The following PTPRD variants were observed in gnomAD, a reference collection of about 807,000 sequenced individuals.
The protein encoded by PTPRD is protein tyrosine phosphatase receptor type D, also known as receptor-type tyrosine-protein phosphatase delta.
In PTPRD, 34 loss-of-function variants were observed where a neutral mutation model predicts 214.5. The observed-to-expected ratio is 0.16, with a 90% CI of 0.12 to 0.21. PTPRD has a LOEUF of 0.21. Among genes scored for constraint, PTPRD ranks in the 10% least tolerant of loss-of-function variants. The pLI is 1.00. For missense variants in PTPRD, 2,545 were observed against 2,398.7 expected, an observed-to-expected ratio of 1.06 and a Z score of -1.27; for synonymous variants, 1,128 against 845.7, an observed-to-expected ratio of 1.33 and a Z score of -5.79.
At chr9:9,425,388 C>T (rs1022025845) in intron 8 of PTPRD, among the ~76,000 whole-genome samples, 7 of 51,602 alleles carry the variant, frequency 1.4e-4, no homozygotes, top group Non-Finnish European at 2.2e-4. Context: ...ATATCTTATA[C>T]ATTATATAAT....
chr9:10,127,344 G>T (rs998517033), intron 3 of PTPRD, among the ~76,000 whole-genome samples: 5 of 152,132 alleles, frequency 3.3e-5, no homozygotes, highest in African/African-American at 1.2e-4. Flanking sequence ...TGTGGCAAAA[G>T]AAAATAATGC....
Position 8,499,807 on chromosome 9 carries a change from T to A in PTPRD, c.2162A>T (p.Glu721Val), listed in dbSNP as rs201886779. ...PSGPPRKVEVEAVNSTSVKVS... is the reference protein window; with the variant it reads ...PSGPPRKVEVVAVNSTSVKVS... The stretch of plus-strand genomic sequence containing the variant: ...TTTAACAGATGTTGAGTTGACAGCC[T>A]CTACCTCGACTTTGCGAGGAGGACC... The change falls in exon 25 of 46, where the codon GAG becomes GTG. Residue 721 changes from glutamate to valine, a missense_variant. Transcript: ENST00000381196. 27 of 1,613,058 alleles carry A rather than the reference T, an allele frequency of 1.7e-5. No homozygotes were observed. The highest frequency in any genetic ancestry group is 1.5e-4 in the Admixed American group (9 of 59,744).
At chr9:9,006,635 G>C (rs1249674779) in intron 11 of PTPRD, among the ~76,000 whole-genome samples, 1 of 151,894 alleles carries the variant, frequency 6.6e-6, no homozygotes, top group African/African-American at 2.4e-5. Context: ...TATTACGTAA[G>C]CATCTGCCTG....
chr9:10,054,727 A>G (rs751940050), intron 3 of PTPRD, among the ~76,000 whole-genome samples: 1 of 152,070 alleles, frequency 6.6e-6, no homozygotes, highest in Non-Finnish European at 1.5e-5. Context: ...GGCTTTCACT[A>G]ATGTCAGCAA....
chr9:8,795,287 C>T (rs1017747304), intron 11 of PTPRD, among the ~76,000 whole-genome samples: 1 of 152,094 alleles, frequency 6.6e-6, no homozygotes, highest in African/African-American at 2.4e-5. Flanking sequence ...GCCTCAGCCT[C>T]CCAAGTAGCT....
At chr9:9,372,480 A>G (rs917302422) in intron 9 of PTPRD, among the ~76,000 whole-genome samples, 12 of 151,860 alleles carry the variant, frequency 7.9e-5, no homozygotes, top group African/African-American at 1.5e-4. Context: ...ATCTTCCTCC[A>G]TCCCTTTATT....
At chr9:9,771,235 T>C (rs981685681) in intron 5 of PTPRD, among the ~76,000 whole-genome samples, 1 of 152,182 alleles carries the variant, frequency 6.6e-6, no homozygotes, top group Non-Finnish European at 1.5e-5. Flanking sequence ...GAGATACACA[T>C]AGAGTCAATG....
chr9:9,457,627 G>C (rs1416605709), intron 8 of PTPRD, among the ~76,000 whole-genome samples: 2 of 152,012 alleles, frequency 1.3e-5, no homozygotes, highest in Admixed American at 6.6e-5. Flanking sequence ...TCACTGTGAT[G>C]TGAGTTTTAG....
chr9:10,303,399 A>G (rs1048105236), intron 3 of PTPRD, among the ~76,000 whole-genome samples: 1 of 152,132 alleles, frequency 6.6e-6, no homozygotes, highest in Non-Finnish European at 1.5e-5. Context: ...AAGACAAGAA[A>G]TAACTAAGAT....
chr9:9,675,699 G>C (rs1175241052), intron 7 of PTPRD, among the ~76,000 whole-genome samples: 1 of 151,922 alleles, frequency 6.6e-6, no homozygotes, highest in African/African-American at 2.4e-5. Context: ...GAAATGCACT[G>C]TAAAGAAAAT....
intron 10 of PTPRD, among the ~76,000 whole-genome samples, chr9:9,153,918 T>C (rs1363085563): frequency 2.0e-5 from 3 of 152,164 alleles, no homozygotes; most frequent in African/African-American, 4.8e-5. Context: ...CAGATGGTGT[T>C]ATTGTTCTGC....
Position 9,068,657 on chromosome 9 carries a change from G to C in PTPRD, c.-142-49922C>G, listed in dbSNP as rs1037143014. Among the ~76,000 whole-genome samples, 3 of 151,912 alleles carry C rather than the reference G, an allele frequency of 2.0e-5. No individual in the cohort carries two copies. In the South Asian group the frequency reaches 6.2e-4, roughly 32 times the overall value. On this transcript the variant is annotated intron_variant, in intron 10 of 45. Coordinates refer to ENST00000381196, the MANE Select transcript of PTPRD (RefSeq NM_002839.4). The stretch of plus-strand genomic sequence containing the variant: ...GAGATGGAGTCTCACTTGTCCCCAG[G>C]CTGGAGTGCAGTGGCGCACTCTCAG...
At position 10,470,795 on chromosome 9, in the gene PTPRD, C is replaced by T. The variant is rs529746308; in HGVS notation, c.-599-129778G>A. On this transcript the variant is annotated intron_variant, in intron 2 of 45. Coordinates refer to ENST00000381196, the MANE Select transcript of PTPRD (RefSeq NM_002839.4). Reference sequence around the variant, plus strand: ...GAATAGACTATCTTTAGTATCAGTTCTCAAAAGGAAACAGGAGTGGTGGAG... The same window carrying T: ...GAATAGACTATCTTTAGTATCAGTTTTCAAAAGGAAACAGGAGTGGTGGAG... 5.3e-5 allele frequency among the ~76,000 whole-genome samples: 8 copies of T among 152,072 alleles called. No individual in the cohort carries two copies. In the South Asian group the frequency reaches 1.7e-3, roughly 32 times the overall value.
intron 5 of PTPRD, among the ~76,000 whole-genome samples, chr9:9,898,565 T>C (rs2153801579): frequency 6.6e-6 from 1 of 152,240 alleles, no homozygotes; most frequent in Non-Finnish European, 1.5e-5. Context: ...TATTTCAATT[T>C]AAGGAATCCT....
At chr9:9,933,120 A>T (rs1228214268) in intron 5 of PTPRD, among the ~76,000 whole-genome samples, 1 of 152,204 alleles carries the variant, frequency 6.6e-6, no homozygotes, top group African/African-American at 2.4e-5. Context: ...CCGCTGCAAA[A>T]TCATGCCAAA....
chr9:10,093,705 A>G (rs888692521), intron 3 of PTPRD, among the ~76,000 whole-genome samples: 4 of 151,486 alleles, frequency 2.6e-5, no homozygotes, highest in African/African-American at 9.7e-5. Context: ...GTGCCCATCT[A>G]TGGTGGATCG....
At chr9:10,394,159 G>GAT (rs895894793) in intron 2 of PTPRD, among the ~76,000 whole-genome samples, 9 of 133,070 alleles carry the variant, frequency 6.8e-5, no homozygotes, top group African/African-American at 2.4e-4. Context: ...TATATATATA[G>GAT]ATATATATAC....
At chr9:8,321,524 TATAA>T (rs1347292793) in intron 44 of PTPRD, among the ~76,000 whole-genome samples, 1,620 of 126,968 alleles carry the variant, frequency 0.013, 20 homozygotes, top group South Asian at 0.051. Flanking sequence ...TATATATATA[TATAA>T]AAGGTATATG....
At chr9:8,780,197 T>C (rs1336866484) in intron 11 of PTPRD, among the ~76,000 whole-genome samples, 1 of 152,180 alleles carries the variant, frequency 6.6e-6, no homozygotes, top group Non-Finnish European at 1.5e-5. Flanking sequence ...TAAAGTATAA[T>C]ACCTTGTGTT....
Sources: allele counts gnomAD v4.1 joint callset (sites outside exome capture counted in the v4.1 genomes callset), GRCh38; gene constraint gnomAD v4.1.1; transcripts MANE v1.5; gene names NCBI Gene and HGNC (gene_info 2026-07-23, HGNC 2026-07-21).